The following CARF variants were observed in gnomAD, a reference collection of about 807,000 sequenced individuals.
CARF encodes the protein calcium responsive transcription factor, also known as calcium-responsive transcription factor.
CARF carries 57 observed loss-of-function variants against 82.0 expected under a neutral mutation model. The ratio of observed to expected loss-of-function variants is 0.70; its 90% CI spans 0.56 to 0.87. The LOEUF (loss-of-function observed/expected upper bound fraction) is 0.87, where lower values mean the gene tolerates loss of function less well. Ranked by LOEUF, CARF falls within the 40% of genes least tolerant of loss-of-function variation. The pLI, the probability that CARF is intolerant of heterozygous loss-of-function variation, is 0.00. For synonymous variants in CARF, 268 were observed against 290.1 expected (o/e 0.92, Z 0.77); for missense variants, 771 against 855.8 (o/e 0.90, Z 1.24).
At chr2:202,923,215 C>T (rs929234077) in intron 2 of CARF, among the ~76,000 whole-genome samples, 1 of 152,150 alleles carries the variant, frequency 6.6e-6, no homozygotes, top group East Asian at 1.9e-4. Flanking sequence ...GCACTCCAGC[C>T]TGGGCAAAAG....
intron 3 of CARF, among the ~76,000 whole-genome samples, chr2:202,934,934 G>A (rs1693623762): frequency 6.6e-6 from 1 of 151,332 alleles, no homozygotes; most frequent in South Asian, 2.1e-4. Context: ...AAAATTAGCT[G>A]GGCATGGTGG....
At chr2:202,971,358 A>G (rs1451529455) in intron 11 of CARF, 147 bp from the exon 12 acceptor site, 1 of 421,196 alleles carries the variant, frequency 2.4e-6, no homozygotes, top group East Asian at 3.7e-5. Flanking sequence ...TTTGATATGA[A>G]ATAACCATAT....
chr2:202,942,722 T>C lies in CARF; in HGVS notation c.79-18T>C. The C allele has an allele frequency of 2.6e-6, 4 of 1,537,108 alleles. No individual in the cohort carries two copies. The highest frequency in any genetic ancestry group is 3.5e-6 in the Non-Finnish European group (4 of 1,135,236). ...AAATGGTGATAGACTGAAGTGATTT[T>C]TTTTTTCCTTACAAAAGCATCTAAT... On this transcript the variant is annotated intron_variant, in intron 4 of 16. Transcript: ENST00000438828.
intron 5 of CARF, among the ~76,000 whole-genome samples, chr2:202,952,224 T>C (rs1379467858): frequency 6.6e-6 from 1 of 152,156 alleles, no homozygotes; most frequent in Non-Finnish European, 1.5e-5. Flanking sequence ...AATAATACAG[T>C]AAGTGGCAAA....
chr2:202,936,709 C>G (rs1218224260), intron 3 of CARF, among the ~76,000 whole-genome samples: 1 of 152,050 alleles, frequency 6.6e-6, no homozygotes, highest in Admixed American at 6.6e-5. Context: ...TATTCCAGAC[C>G]CTTATCAGAT....
rs1688877176 is a variant in CARF, at chr2:202,912,829, T to C, written c.-603T>C. The C allele has an allele frequency of 2.0e-5, 3 of 152,070 alleles. No individual in the cohort carries two copies. Among genetic ancestry groups the C allele is most frequent in the Admixed American group, 1.3e-4 (2 of 15,280 alleles). 9.4% of individuals were successfully genotyped at this position (152,070 alleles called of 1,614,324 possible). A position where few individuals can be genotyped will look rare whatever the true frequency, so the allele number is the denominator to read the frequency against. On this transcript the variant is annotated 5_prime_UTR_variant, in exon 1 of 17. Coordinates refer to ENST00000438828, the MANE Select transcript of CARF (RefSeq NM_024744.17). Reference sequence around the variant, plus strand: ...TTGCTTTTTAGGGTTCTTTTTCCGCTTTCTGAGCCCTTTTATACCTTACGT... The same window carrying C: ...TTGCTTTTTAGGGTTCTTTTTCCGCCTTCTGAGCCCTTTTATACCTTACGT...
At chr2:202,932,862 C>T in intron 3 of CARF, among the ~76,000 whole-genome samples, 1 of 152,080 alleles carries the variant, frequency 6.6e-6, no homozygotes, top group East Asian at 1.9e-4. Flanking sequence ...TCAGCTCAAC[C>T]ACTGCTGTGT....
chr2:202,940,957 GT>G (rs1213030347), intron 3 of CARF, among the ~76,000 whole-genome samples: 1 of 151,576 alleles, frequency 6.6e-6, no homozygotes, highest in African/African-American at 2.4e-5. Context: ...TAGCAAGACA[GT>G]TTTTTTTACA....
intron 8 of CARF, among the ~76,000 whole-genome samples, chr2:202,959,082 T>A (rs1419379679): frequency 6.6e-6 from 1 of 152,144 alleles, no homozygotes; most frequent in African/African-American, 2.4e-5. Context: ...CAATACTGTA[T>A]TAAAATGTTA....
intron 2 of CARF, among the ~76,000 whole-genome samples, chr2:202,921,982 C>T (rs1404371930): frequency 6.6e-6 from 1 of 151,556 alleles, no homozygotes; most frequent in Non-Finnish European, 1.5e-5. Context: ...GCACTCACCA[C>T]CATGCCTGGC....
rs571461097 is a variant in CARF at position 202,923,430 on chromosome 2, A to G, written c.-162-867A>G. Among the ~76,000 whole-genome samples the G allele has an allele frequency of 4.6e-5, 7 of 152,328 alleles. No individual in the cohort carries two copies. In the South Asian group the frequency reaches 1.4e-3, roughly 32 times the overall value. Reference sequence around the variant, plus strand: ...AGGAATATACCTAACCAAGGAGGTGAAACACCTCTGCAAGGAAAACTACAA... The same window carrying G: ...AGGAATATACCTAACCAAGGAGGTGGAACACCTCTGCAAGGAAAACTACAA... On this transcript the variant is annotated intron_variant, in intron 2 of 16. Transcript: ENST00000438828.
At chr2:202,932,136 A>G (rs1322957147) in intron 3 of CARF, among the ~76,000 whole-genome samples, 2 of 152,130 alleles carry the variant, frequency 1.3e-5, no homozygotes, top group Admixed American at 6.6e-5. Context: ...AGATCTCACT[A>G]TCTCAAGGAG....
intron 8 of CARF, among the ~76,000 whole-genome samples, chr2:202,960,617 A>G (rs541455668): frequency 2.6e-5 from 4 of 152,300 alleles, no homozygotes; most frequent in East Asian, 3.9e-4. Context: ...CTTTTTATCA[A>G]TCACTCACAG....
intron 14 of CARF, among the ~76,000 whole-genome samples, chr2:202,980,287 A>G (rs1443607943): frequency 2.6e-5 from 4 of 152,112 alleles, no homozygotes; most frequent in Non-Finnish European, 5.9e-5. Flanking sequence ...ACTTAAAGAG[A>G]TGAATATATT....
intron 3 of CARF, among the ~76,000 whole-genome samples, chr2:202,931,803 A>G (rs1354637406): frequency 1.3e-5 from 2 of 151,508 alleles, no homozygotes; most frequent in East Asian, 3.9e-4. Context: ...TTTTCTCCCC[A>G]AAGGGAAGAC....
At chr2:202,925,633 G>A in intron 3 of CARF, 1 of 237,956 alleles carries the variant, frequency 4.2e-6, no homozygotes, top group East Asian at 1.4e-4. Context: ...AAGGCCAGAG[G>A]GCTTCCTTGG....
At chr2:202,937,930 TAA>T (rs11346288) in intron 3 of CARF, among the ~76,000 whole-genome samples, 284 of 143,188 alleles carry the variant, frequency 2.0e-3, no homozygotes, top group Middle Eastern at 3.5e-3. Flanking sequence ...CAGCCAACTG[TAA>T]AAAAAAAAAA....
At chr2:202,982,508 T>A in intron 16 of CARF, 67 bp downstream of exon 16, 1 of 1,533,204 alleles carries the variant, frequency 6.5e-7, no homozygotes. Context: ...TATATTATAC[T>A]ATAGATAAAA....
rs16839363 is a variant in CARF at position 202,917,247 on chromosome 2, G to T, written c.-329-630G>T. On this transcript the variant is annotated intron_variant, in intron 1 of 16. Coordinates refer to ENST00000438828, the MANE Select transcript of CARF (RefSeq NM_024744.17). Reference sequence around the variant, plus strand: ...AAAAAAAAAAAAAAAGCGCTGAGCTGCTAATTTTACAGATGCTTTCCAATC... The same window carrying T: ...AAAAAAAAAAAAAAAGCGCTGAGCTTCTAATTTTACAGATGCTTTCCAATC... Among the ~76,000 whole-genome samples, 778 of 144,256 alleles carry T rather than the reference G, an allele frequency of 5.4e-3. 11 individuals are homozygous for T. Among genetic ancestry groups the T allele is most frequent in the African/African-American group, 0.019 (733 of 39,330 alleles). 94.6% of individuals were successfully genotyped at this position (144,256 alleles called of 152,430 possible). A position where few individuals can be genotyped will look rare whatever the true frequency, so the allele number is the denominator to read the frequency against.
Sources: gnomAD v4.1 joint callset for allele counts (sites outside exome capture counted in the v4.1 genomes callset) on GRCh38, gnomAD v4.1.1 for gene constraint, MANE v1.5 for transcripts, NCBI Gene and HGNC (gene_info 2026-07-23, HGNC 2026-07-21) for gene names.